The following LRFN2 variants were observed in gnomAD, a reference collection of about 807,000 sequenced individuals.
LRFN2 encodes the protein leucine-rich repeat and fibronectin type-III domain-containing protein 2.
In LRFN2, 18 loss-of-function variants were observed where a neutral mutation model predicts 37.3. The observed-to-expected ratio is 0.48, with a 90% CI of 0.33 to 0.72. The LOEUF is 0.72. LRFN2 is among the 30% of genes least tolerant of loss of function. LRFN2 has a pLI of 0.02. For synonymous variants in LRFN2, 556 were observed against 466.6 expected (o/e 1.19, Z -2.47); for missense variants, 1,006 against 1,060.7 (o/e 0.95, Z 0.72).
intron 1 of LRFN2, among the ~76,000 whole-genome samples, chr6:40,470,284 T>C (rs1426416189): frequency 6.6e-6 from 1 of 151,982 alleles, no homozygotes; most frequent in Non-Finnish European, 1.5e-5. Context: ...CACAGAGAAA[T>C]GGAGCCAAGT....
intron 2 of LRFN2, among the ~76,000 whole-genome samples, chr6:40,417,180 C>G (rs1022488711): frequency 2.0e-5 from 3 of 152,232 alleles, no homozygotes; most frequent in African/African-American, 7.2e-5. Flanking sequence ...GAGAGCAAAG[C>G]AGCCTTGGGA....
intron 1 of LRFN2, among the ~76,000 whole-genome samples, chr6:40,555,306 G>T (rs143176400): frequency 1.3e-5 from 2 of 152,342 alleles, no homozygotes; most frequent in Admixed American, 1.3e-4. Context: ...ATAGGCACCA[G>T]CTGAGGGTTG....
intron 1 of LRFN2, among the ~76,000 whole-genome samples, chr6:40,519,023 AG>A (rs1195150593): frequency 6.6e-6 from 1 of 152,168 alleles, no homozygotes; most frequent in Non-Finnish European, 1.5e-5. Flanking sequence ...GAGCATGACC[AG>A]GGCAAACCCC....
chr6:40,582,427 T>C (rs1767421070), intron 1 of LRFN2, among the ~76,000 whole-genome samples: 1 of 152,004 alleles, frequency 6.6e-6, no homozygotes, highest in Admixed American at 6.6e-5. Context: ...CCGGCTCTCC[T>C]GCAGACAATC....
intron 1 of LRFN2, among the ~76,000 whole-genome samples, chr6:40,572,330 C>A (rs1180185065): frequency 4.6e-5 from 7 of 152,174 alleles, no homozygotes; most frequent in African/African-American, 1.7e-4. Context: ...AGAGAACTTT[C>A]TAGATCAGCA....
At chr6:40,454,065 G>C (rs1764182511) in intron 1 of LRFN2, among the ~76,000 whole-genome samples, 2 of 152,198 alleles carry the variant, frequency 1.3e-5, no homozygotes, top group African/African-American at 4.8e-5. Context: ...GGATGCTCCA[G>C]ACCAAGACCA....
intron 1 of LRFN2, among the ~76,000 whole-genome samples, chr6:40,564,237 G>C (rs999530539): frequency 6.6e-6 from 1 of 152,096 alleles, no homozygotes; most frequent in Non-Finnish European, 1.5e-5. Flanking sequence ...CACAAACATG[G>C]GGACCACAGC....
At chr6:40,571,077 T>C (rs150910104) in intron 1 of LRFN2, among the ~76,000 whole-genome samples, 232 of 152,312 alleles carry the variant, frequency 1.5e-3, no homozygotes, top group African/African-American at 5.1e-3. Flanking sequence ...AGGAATCACC[T>C]CTTGCTGGAA....
chr6:40,467,851 GT>G (rs1161677540), intron 1 of LRFN2, among the ~76,000 whole-genome samples: 15 of 152,064 alleles, frequency 9.9e-5, no homozygotes, highest in Non-Finnish European at 1.8e-4. Flanking sequence ...GAGCCTTAGG[GT>G]GCTCCAATCA....
intron 2 of LRFN2, among the ~76,000 whole-genome samples, chr6:40,405,281 C>T (rs1319488744): frequency 6.6e-6 from 1 of 152,186 alleles, no homozygotes; most frequent in Non-Finnish European, 1.5e-5. Flanking sequence ...TGGATATGCA[C>T]ACAGGCTCTG....
chr6:40,566,499 G>T (rs1327377699), intron 1 of LRFN2, among the ~76,000 whole-genome samples: 1 of 152,076 alleles, frequency 6.6e-6, no homozygotes. Context: ...GTCCAACAAT[G>T]ATAGACTGGA....
intron 1 of LRFN2, among the ~76,000 whole-genome samples, chr6:40,459,058 G>A (rs192175178): frequency 6.6e-6 from 1 of 152,294 alleles, no homozygotes; most frequent in East Asian, 1.9e-4. Flanking sequence ...TTTCATACGT[G>A]GTTTCCAAGA....
In LRFN2 at chr6:40,432,496, G is replaced by A; in HGVS notation, c.618C>T (p.Ser206=). Residue 206 remains serine (S), a synonymous_variant, in exon 2 of 3, where the codon TCC becomes TCT. Transcript: ENST00000338305. ...CAGGGGGCAGCTTCTGCAGCCGATT[G>A]GAGGTGAGATCCAGGCGGGCCAGTT... ...LQKLARLDLT[S]NRLQKLPPDP... 6.2e-7 allele frequency: 1 copy of A among 1,614,258 alleles called. No individual in the cohort carries two copies. The highest frequency in any genetic ancestry group is 1.1e-5 in the South Asian group (1 of 91,088).
chr6:40,529,792 C>G (rs2113908339), intron 1 of LRFN2, among the ~76,000 whole-genome samples: 1 of 152,300 alleles, frequency 6.6e-6, no homozygotes, highest in Non-Finnish European at 1.5e-5. Context: ...TTGCATAACC[C>G]CCACAGGGTG....
intron 1 of LRFN2, among the ~76,000 whole-genome samples, chr6:40,479,317 C>A (rs1330880237): frequency 2.0e-5 from 3 of 152,202 alleles, no homozygotes; most frequent in Admixed American, 6.5e-5. Flanking sequence ...ATAGCAACCA[C>A]CACTCAGAAG....
intron 1 of LRFN2, among the ~76,000 whole-genome samples, chr6:40,436,842 C>T (rs1334520668): frequency 6.6e-6 from 1 of 152,174 alleles, no homozygotes; most frequent in Admixed American, 6.5e-5. Flanking sequence ...CCCTGTGACT[C>T]ATTGTGGTCA....
At chr6:40,469,321 A>G (rs1466420442) in intron 1 of LRFN2, among the ~76,000 whole-genome samples, 2 of 152,128 alleles carry the variant, frequency 1.3e-5, no homozygotes, top group African/African-American at 4.8e-5. Context: ...AAGAGGACAT[A>G]TTTCTGTTGG....
intron 1 of LRFN2, among the ~76,000 whole-genome samples, chr6:40,450,600 C>T (rs563371789): frequency 6.6e-6 from 1 of 152,328 alleles, no homozygotes; most frequent in South Asian, 2.1e-4. Context: ...CAGTGTCCAG[C>T]TTCATCCCGT....
chr6:40,393,042 C>G (rs3734554), intron 2 of LRFN2, 130 bp from the exon 3 acceptor site: 4 of 617,180 alleles, frequency 6.5e-6, no homozygotes, highest in African/African-American at 1.9e-5. Context: ...AAGACAGACA[C>G]GGGGACACAG....
Sources: allele counts gnomAD v4.1 joint callset (sites outside exome capture counted in the v4.1 genomes callset), GRCh38; gene constraint gnomAD v4.1.1; transcripts MANE v1.5; gene names NCBI Gene and HGNC (gene_info 2026-07-23, HGNC 2026-07-21).